Variants in COPG1 observed in about 807,000 individuals in gnomAD.
COPG1 encodes the protein coatomer subunit gamma-1.
In COPG1, 29 loss-of-function variants were observed where a neutral mutation model predicts 102.8. The observed-to-expected ratio is 0.28, with a 90% CI of 0.21 to 0.38. COPG1 has a LOEUF of 0.38. COPG1 is among the 10% of genes least tolerant of loss of function. COPG1 has a pLI of 1.00. For missense variants in COPG1, 875 were observed against 1,132.7 expected (o/e 0.77, Z 3.27); for synonymous variants, 406 against 421.6 (o/e 0.96, Z 0.45).
intron 8 of COPG1, 46 bp from the exon 9 acceptor site, chr3:129,257,424 C>A: frequency 6.2e-7 from 1 of 1,605,498 alleles, no homozygotes; most frequent in South Asian, 1.1e-5. Flanking sequence ...GCCAGTATAC[C>A]CAAAAGTCAT....
chr3:129,256,569 C>T (rs1416816081), intron 8 of COPG1, among the ~76,000 whole-genome samples: 4 of 152,234 alleles, frequency 2.6e-5, no homozygotes, highest in African/African-American at 7.2e-5. Context: ...GACAGCCGTT[C>T]CTTTTATCTC....
intron 15 of COPG1, among the ~76,000 whole-genome samples, 154 bp from the exon 16 acceptor site, chr3:129,267,783 A>T (rs977336287): frequency 6.6e-6 from 1 of 152,108 alleles, no homozygotes; most frequent in African/African-American, 2.4e-5. Context: ...AGTGTTCATG[A>T]GTGTGGCCTC....
rs1248130235 is a variant in COPG1 at position 129,254,700 on chromosome 3, A to G, written c.356A>G (p.Asn119Ser). 6.2e-7 allele frequency: 1 copy of G among 1,614,184 alleles called. No homozygotes were observed. Among genetic ancestry groups the G allele is most frequent in the Non-Finnish European group, 8.5e-7 (1 of 1,180,024 alleles). ...AAAGACATGACTGGGAAAGAAGACA[A>G]CTACCGGGGCCCGGCCGTGCGAGCC... ...LTKDMTGKED[N>S]YRGPAVRALC... The change falls in exon 6 of 24, where the codon AAC (asparagine) becomes AGC (serine). Residue 119 changes from asparagine (N) to serine (S), a missense_variant. Transcript: ENST00000314797.
rs1326419241 is a variant in COPG1, at chr3:129,260,601, A to G, written c.940-18A>G. The G allele has an allele frequency of 6.2e-7, 1 of 1,612,792 alleles. No homozygotes were observed. The highest frequency in any genetic ancestry group is 1.3e-5 in the African/African-American group (1 of 74,924). ...GCATTGGGTTCCTGCCCTCTCTGTC[A>G]CTGTCCTCCCAAAACAGGTTGCCAT... On this transcript the variant is annotated intron_variant, in intron 11 of 23. Coordinates refer to ENST00000314797, the MANE Select transcript of COPG1 (RefSeq NM_016128.4).
rs1939676664 is a variant in COPG1 at position 129,250,734 on chromosome 3, G to A, written c.90G>A (p.Glu30=). The A allele has an allele frequency of 1.2e-6, 2 of 1,613,600 alleles. No homozygotes were observed. The highest frequency in any genetic ancestry group is 1.7e-6 in the Non-Finnish European group (2 of 1,179,664). Residue 30 remains glutamate (E), a splice_region_variant and synonymous_variant, in exon 2 of 24, where the codon GAG becomes GAA. Transcript: ENST00000314797. ...QHLEKSAVLQ[E]ARVFNETPIN... is the part of the protein sequence containing the mutation. ...TTGAGAAGAGTGCGGTACTCCAGGA[G>A]GCAAGTGACATTTGCTCCCCTCTAG...
chr3:129,267,007 T>C lies in COPG1; in HGVS notation c.1469-17T>C. 5 of 1,612,116 alleles carry C rather than the reference T, an allele frequency of 3.1e-6. No homozygotes were observed. Among genetic ancestry groups the C allele is most frequent in the Non-Finnish European group, 4.2e-6 (5 of 1,178,576 alleles). ...TCAGGGTGCATTGGGTAAATCACAT[T>C]CGCTTCCTAAACACAGGTGCTGTGA... On this transcript the variant is annotated splice_polypyrimidine_tract_variant and intron_variant, in intron 14 of 23. Transcript: ENST00000314797.
In COPG1 at chr3:129,263,852, CA is replaced by C. The variant is rs1939996891; in HGVS notation, c.1129-51del. On this transcript the variant is annotated intron_variant, in intron 12 of 23. Transcript: ENST00000314797. ...TCAGTGGGCACTCAGGGAACTGAGTCACCCCATCTTGGTGGCAGGGCCTGCT... is the reference window on the plus strand; with the variant it reads ...TCAGTGGGCACTCAGGGAACTGAGTCCCCCATCTTGGTGGCAGGGCCTGCT... 2.0e-6 allele frequency: 3 copies of C among 1,504,684 alleles called. No homozygotes were observed. In the Admixed American group the frequency reaches 5.0e-5, roughly 25 times the overall value. The allele number at this position is 1,504,684 out of a possible 1,614,324, so 93.2% of individuals were successfully genotyped here. A position where few individuals can be genotyped will look rare whatever the true frequency, so the allele number is the denominator to read the frequency against.
chr3:129,272,122 C>T (rs535979537), intron 19 of COPG1, 122 bp from the exon 20 acceptor site: 3 of 1,070,448 alleles, frequency 2.8e-6, no homozygotes, highest in Non-Finnish European at 4.1e-6. Flanking sequence ...GAACCTGGGG[C>T]AGGGGGACTG....
intron 7 of COPG1, 40 bp downstream of exon 7, chr3:129,255,117 G>A: frequency 2.4e-6 from 3 of 1,259,224 alleles, no homozygotes; most frequent in Non-Finnish European, 3.5e-6. Context: ...GGGTGGGGTA[G>A]AAAATTGAAG....
intron 23 of COPG1, among the ~76,000 whole-genome samples, chr3:129,276,227 A>G (rs1022739047): frequency 2.0e-5 from 3 of 152,184 alleles, no homozygotes; most frequent in African/African-American, 4.8e-5. Context: ...TGTATTTTCA[A>G]TGAAGTTAAG....
Position 129,275,276 on chromosome 3 carries a change from C to T in COPG1, c.2478C>T (p.His826=), listed in dbSNP as rs79019010. The change falls in exon 23 of 24, where the codon CAC becomes CAT. Residue 826 remains histidine, a synonymous_variant. Coordinates refer to ENST00000314797, the MANE Select transcript of COPG1 (RefSeq NM_016128.4). The surrounding 1 kb of genome is among the most constrained non-coding windows in gnomAD (Gnocchi z 5.0). ...SDKVPDNKNT[H]TLLLAGVFRG... is the part of the protein sequence containing the mutation. Reference sequence around the variant, plus strand: ...AAGTGCCGGATAACAAGAACACCCACACGTTGCTCCTGGCTGGTAAGTGGC... The same window carrying T: ...AAGTGCCGGATAACAAGAACACCCATACGTTGCTCCTGGCTGGTAAGTGGC... The T allele has an allele frequency of 1.4e-3, 2,337 of 1,614,166 alleles. 29 individuals are homozygous for T. The African/African-American group carries it at 0.028, about 19-fold the overall frequency.
chr3:129,260,636 G>A lies in COPG1; in HGVS notation c.957G>A (p.Pro319=), dbSNP rs773232882. ...CAAAACAGGTTGCCATGAAGCATCC[G>A]TCAGCTGTGACAGCTTGTAATCTGG... ...RTLNKVAMKH[P]SAVTACNLDL... Residue 319 remains proline, a synonymous_variant, in exon 12 of 24, where the codon CCG becomes CCA. Coordinates refer to ENST00000314797, the MANE Select transcript of COPG1 (RefSeq NM_016128.4). The A allele has an allele frequency of 1.1e-5, 17 of 1,613,944 alleles. No homozygotes were observed. The highest frequency in any genetic ancestry group is 1.6e-4 in the Middle Eastern group (1 of 6,072).
intron 12 of COPG1, among the ~76,000 whole-genome samples, chr3:129,263,198 G>A (rs997285368): frequency 1.3e-5 from 2 of 152,114 alleles, no homozygotes; most frequent in African/African-American, 4.8e-5. Context: ...TGAGGGTTGA[G>A]GGGTGGATGT....
intron 21 of COPG1, 75 bp from the exon 22 acceptor site, chr3:129,274,763 G>T: frequency 6.6e-7 from 1 of 1,513,114 alleles, no homozygotes; most frequent in Non-Finnish European, 9.1e-7. Flanking sequence ...TGCAGGAAGG[G>T]ATGTGTGGAT....
At chr3:129,253,580 C>T (rs1038125729) in intron 5 of COPG1, among the ~76,000 whole-genome samples, 2 of 152,100 alleles carry the variant, frequency 1.3e-5, no homozygotes, top group African/African-American at 2.4e-5. Context: ...TAGTTTATCA[C>T]GGAAGTATTA....
intron 2 of COPG1, among the ~76,000 whole-genome samples, chr3:129,251,360 A>ATG (rs1939693347): frequency 7.5e-6 from 1 of 133,842 alleles, no homozygotes; most frequent in East Asian, 2.0e-4. Context: ...TATTTTTATT[A>ATG]TATATATTTT....
intron 11 of COPG1, 71 bp from the exon 12 acceptor site, chr3:129,260,548 C>T: frequency 1.3e-6 from 2 of 1,559,620 alleles, no homozygotes; most frequent in Non-Finnish European, 1.8e-6. Context: ...GGACTTCTGA[C>T]TGGGCCAAAC....
In COPG1 at chr3:129,249,621, G is replaced by A. The variant is rs1425945267; in HGVS notation, c.-89G>A. Reference sequence around the variant, plus strand: ...CGACGTGGCCAGTCGGGGCCCGGAAGTGGTCCCTGTAGAACCACTGTGGCA... The same window carrying A: ...CGACGTGGCCAGTCGGGGCCCGGAAATGGTCCCTGTAGAACCACTGTGGCA... On this transcript the variant is annotated 5_prime_UTR_variant, in exon 1 of 24. In the 5' UTR this introduces an upstream ATG that the reference lacks. Transcript: ENST00000314797. The A allele has an allele frequency of 3.4e-6, 5 of 1,456,332 alleles. No homozygotes were observed. In the East Asian group the frequency reaches 1.3e-4, roughly 36 times the overall value. 90.2% of individuals were successfully genotyped at this position (1,456,332 alleles called of 1,614,324 possible).
chr3:129,255,941 C>A, intron 7 of COPG1, 127 bp from the exon 8 acceptor site: 1 of 716,250 alleles, frequency 1.4e-6, no homozygotes, highest in Non-Finnish European at 2.4e-6. Context: ...TGAGTTTGTC[C>A]ATGGTCTCTG....
Sources: gnomAD v4.1 joint callset for allele counts (sites outside exome capture counted in the v4.1 genomes callset) on GRCh38, gnomAD v4.1.1 for gene constraint, Gnocchi (gnomAD v3.1) non-coding constraint, MANE v1.5 for transcripts, NCBI Gene and HGNC (gene_info 2026-07-23, HGNC 2026-07-21) for gene names.